The following AOC3 variants were observed in gnomAD, a reference collection of about 807,000 sequenced individuals.
AOC3 encodes amine oxidase [copper-containing] 3.
In AOC3, 47 loss-of-function variants were observed where a neutral mutation model predicts 55.4. That is an observed-to-expected ratio of 0.85 (90% CI 0.67 to 1.08). The LOEUF (loss-of-function observed/expected upper bound fraction) is 1.08, where lower values mean the gene tolerates loss of function less well. Among genes scored for constraint, AOC3 ranks in the 50% least tolerant of loss-of-function variants. The pLI, the probability that AOC3 is intolerant of heterozygous loss-of-function variation, is 0.00. For synonymous variants in AOC3, 386 were observed against 410.7 expected (o/e 0.94, Z 0.73); for missense variants, 853 against 993.1 (o/e 0.86, Z 1.90).
chr17:42,855,282 G>A (rs2055733414), intron 2 of AOC3, among the ~76,000 whole-genome samples, 162 bp from the exon 3 acceptor site: 1 of 152,184 alleles, frequency 6.6e-6, no homozygotes, highest in Non-Finnish European at 1.5e-5. Context: ...TAAACAGGAG[G>A]ACTTGACCCC....
Position 42,854,520 on chromosome 17 carries a change from A to G in AOC3, c.1673A>G (p.Gln558Arg). Residue 558 changes from glutamine to arginine, a missense_variant, in exon 2 of 4, where the codon CAG becomes CGG. Coordinates refer to ENST00000308423, the MANE Select transcript of AOC3 (RefSeq NM_003734.4). ...PMAVPWSPEH[Q>R]LQRLQVTRKL... is the part of the protein sequence containing the mutation. The stretch of plus-strand genomic sequence containing the variant: ...GCTGTGCCCTGGAGCCCTGAGCACC[A>G]GCTGCAGAGGCTGCAGGTGACCCGG... 5 of 1,608,702 alleles carry G rather than the reference A, an allele frequency of 3.1e-6. No homozygotes were observed. Among genetic ancestry groups the G allele is most frequent in the Middle Eastern group, 3.4e-4 (2 of 5,878 alleles).
At chr17:42,853,019 T>A in intron 1 of AOC3, 76 bp downstream of exon 1, 1 of 1,511,694 alleles carries the variant, frequency 6.6e-7, no homozygotes, top group Non-Finnish European at 8.9e-7. Context: ...GGGTTTTATG[T>A]AGATTATCCC....
At position 42,856,804 on chromosome 17, in the gene AOC3, C is replaced by G. The variant is rs2055756603; in HGVS notation, c.*254C>G. On this transcript the variant is annotated 3_prime_UTR_variant, in exon 4 of 4. Transcript: ENST00000308423. ...TCCACAGAGGCCAGGCATGGCCCAGCCTGGAGCCGTGGCCGAGGGCTTCCC... is the reference window on the plus strand; with the variant it reads ...TCCACAGAGGCCAGGCATGGCCCAGGCTGGAGCCGTGGCCGAGGGCTTCCC... 1.8e-6 allele frequency: 1 copy of G among 550,178 alleles called. No individual in the cohort carries two copies. Among genetic ancestry groups the G allele is most frequent in the Non-Finnish European group, 3.2e-6 (1 of 313,158 alleles). 34.1% of individuals were successfully genotyped at this position (550,178 alleles called of 1,614,324 possible). A position where few individuals can be genotyped will look rare whatever the true frequency, so the allele number is the denominator to read the frequency against.
intron 1 of AOC3, 150 bp downstream of exon 1, chr17:42,853,093 G>C: frequency 7.4e-7 from 1 of 1,342,426 alleles, no homozygotes; most frequent in Non-Finnish European, 9.8e-7. Context: ...TGGCTGCTGA[G>C]TTTTATTTGG....
At chr17:42,855,691 A>G (rs774526468) in intron 3 of AOC3, 118 bp downstream of exon 3, 90 of 1,382,046 alleles carry the variant, frequency 6.5e-5, no homozygotes, top group Non-Finnish European at 8.6e-5. Flanking sequence ...ACTTCAGTAT[A>G]TCTGATCATT....
In AOC3 at chr17:42,851,628, T is replaced by G. The variant is rs1480761843; in HGVS notation, c.285T>G (p.Cys95Trp). Reference sequence around the variant, plus strand: ...CCCAGGCCCGGCCCTCGGACAACTGTGTCTTCTCAGTGGAGTTGCAGCTGC... The same window carrying G: ...CCCAGGCCCGGCCCTCGGACAACTGGGTCTTCTCAGTGGAGTTGCAGCTGC... ...DAAQARPSDN[C>W]VFSVELQLPP... Residue 95 changes from cysteine to tryptophan, a missense_variant, in exon 1 of 4, where the codon TGT (cysteine) becomes TGG (tryptophan). Cys to Trp is a radical substitution (Grantham distance 215, BLOSUM62 -2). Coordinates refer to ENST00000308423, the MANE Select transcript of AOC3 (RefSeq NM_003734.4). The G allele has an allele frequency of 6.2e-7, 1 of 1,613,086 alleles. No homozygotes were observed. Among genetic ancestry groups the G allele is most frequent in the Admixed American group, 1.7e-5 (1 of 60,022 alleles).
In AOC3 at chr17:42,852,092, A is replaced by G. The variant is rs1449659150; in HGVS notation, c.749A>G (p.Asn250Ser). 6.2e-7 allele frequency: 1 copy of G among 1,613,516 alleles called. No individual in the cohort carries two copies. Among genetic ancestry groups the G allele is most frequent in the East Asian group, 2.2e-5 (1 of 44,860 alleles). Residue 250 changes from asparagine to serine, a missense_variant, in exon 1 of 4, where the codon AAC (asparagine) becomes AGC (serine). Coordinates refer to ENST00000308423, the MANE Select transcript of AOC3 (RefSeq NM_003734.4). ...CACGTGGGCTTGGAGCTGCTAGTGAACCACAAGGCCCTTGACCCTGCCCGC... is the reference window on the plus strand; with the variant it reads ...CACGTGGGCTTGGAGCTGCTAGTGAGCCACAAGGCCCTTGACCCTGCCCGC... ...LHHVGLELLVNHKALDPARWT... is the reference protein window; with the variant it reads ...LHHVGLELLVSHKALDPARWT...
intron 3 of AOC3, 80 bp downstream of exon 3, chr17:42,855,653 A>C: frequency 6.3e-7 from 1 of 1,585,312 alleles, no homozygotes; most frequent in Non-Finnish European, 8.6e-7. Flanking sequence ...TGCACTTCTC[A>C]GGGGTGGTGC....
intron 1 of AOC3, 171 bp downstream of exon 1, chr17:42,853,114 A>C: frequency 1.5e-6 from 2 of 1,348,974 alleles, no homozygotes; most frequent in Non-Finnish European, 2.0e-6. Flanking sequence ...ATCTTAGCTC[A>C]CTGGCTGGGT....
chr17:42,852,277 C>G lies in AOC3; in HGVS notation c.934C>G (p.Pro312Ala), dbSNP rs1369209340. 5.6e-6 allele frequency: 9 copies of G among 1,614,002 alleles called. No homozygotes were observed. Among genetic ancestry groups the G allele is most frequent in the Non-Finnish European group, 7.6e-6 (9 of 1,180,002 alleles). ...LKSPVPPGPA[P>A]PLQFYPQGPR... Reference sequence around the variant, plus strand: ...GTCCCCTGTGCCCCCGGGTCCAGCTCCCCCTCTACAGTTCTATCCCCAAGG... The same window carrying G: ...GTCCCCTGTGCCCCCGGGTCCAGCTGCCCCTCTACAGTTCTATCCCCAAGG... The change falls in exon 1 of 4, where the codon CCC becomes GCC. Residue 312 changes from proline to alanine, a missense_variant. Physicochemically the swap from Pro to Ala is conservative, Grantham distance 27. Transcript: ENST00000308423.
rs759290013 is a variant in AOC3 at position 42,852,437 on chromosome 17, T to G, written c.1094T>G (p.Leu365Arg). ...QGERLVYEIS[L>R]QEALAIYGGN... ...GAAAGACTAGTTTATGAGATAAGCC[T>G]CCAAGAGGCCTTGGCCATCTATGGT... Residue 365 changes from leucine to arginine, a missense_variant, in exon 1 of 4, where the codon CTC becomes CGC. By Grantham distance (102) the Leu-to-Arg change is moderately radical. Transcript: ENST00000308423. 1 of 1,614,166 alleles carries G rather than the reference T, an allele frequency of 6.2e-7. No homozygotes were observed. Among genetic ancestry groups the G allele is most frequent in the East Asian group, 2.2e-5 (1 of 44,876 alleles).
rs34987927 is a variant in AOC3 at position 42,854,591 on chromosome 17, G to A, written c.1744G>A (p.Ala582Thr). 2,799 of 1,607,860 alleles carry A rather than the reference G, an allele frequency of 1.7e-3. 45 individuals carry two copies. The African/African-American group carries it at 0.03, about 17-fold the overall frequency. ...EEQAAFLVGS[A>T]TPRYLYLASN... ...GCAGGCCGCCTTCCTCGTGGGAAGC[G>A]CCACCCCTCGCTACCTGTACCTGGC... The change falls in exon 2 of 4, where the codon GCC becomes ACC. Residue 582 changes from alanine (A) to threonine (T), a missense_variant. Coordinates refer to ENST00000308423, the MANE Select transcript of AOC3 (RefSeq NM_003734.4).
In AOC3 at chr17:42,852,049, G is replaced by T. The variant is rs766705316; in HGVS notation, c.706G>T (p.Ala236Ser). 1.2e-6 allele frequency: 2 copies of T among 1,613,892 alleles called. No individual in the cohort carries two copies. The highest frequency in any genetic ancestry group is 1.7e-5 in the Admixed American group (1 of 60,020). Residue 236 changes from alanine to serine, a missense_variant, in exon 1 of 4, where the codon GCT becomes TCT. Transcript: ENST00000308423. ...WFGLYYNISG[A>S]GFFLHHVGLE... ...TGGCCTCTACTACAACATCTCGGGC[G>T]CTGGGTTCTTCCTGCACCACGTGGG...
chr17:42,852,708 T>C lies in AOC3; in HGVS notation c.1365T>C (p.Leu455=), dbSNP rs544480745. The change falls in exon 1 of 4, where the codon CTT becomes CTC. Residue 455 remains leucine (L), a synonymous_variant. Transcript: ENST00000308423. ...SDLYSHYFGG[L]AETVLVVRSM... ...TCTACTCGCACTACTTTGGGGGTCT[T>C]GCGGAAACGGTGCTGGTCGTCAGAT... is the stretch of plus-strand genomic sequence containing the variant. 46 of 1,614,226 alleles carry C rather than the reference T, an allele frequency of 2.8e-5. No individual in the cohort carries two copies. In the African/African-American group the frequency reaches 6.0e-4, roughly 21 times the overall value.
chr17:42,855,174 A>G (rs1307671532), intron 2 of AOC3, among the ~76,000 whole-genome samples: 2 of 152,208 alleles, frequency 1.3e-5, no homozygotes, highest in Non-Finnish European at 2.9e-5. Context: ...CAAAGAAACC[A>G]TGATGGGCAC....
intron 2 of AOC3, among the ~76,000 whole-genome samples, chr17:42,855,200 G>A (rs2055732332): frequency 6.6e-6 from 1 of 152,208 alleles, no homozygotes; most frequent in Admixed American, 6.5e-5. Context: ...CCCCTTGGAG[G>A]CTAAAGCCCA....
At position 42,852,452 on chromosome 17, in the gene AOC3, C is replaced by A; in HGVS notation, c.1109C>A (p.Ala370Asp). ...VYEISLQEALAIYGGNSPAAM... is the reference protein window; with the variant it reads ...VYEISLQEALDIYGGNSPAAM... ...GAGATAAGCCTCCAAGAGGCCTTGG[C>A]CATCTATGGTGGAAATTCCCCAGCA... Residue 370 changes from alanine (A) to aspartate (D), a missense_variant, in exon 1 of 4, where the codon GCC becomes GAC. By Grantham distance (126) the Ala-to-Asp change is moderately radical (BLOSUM62 -2). Transcript: ENST00000308423. The A allele has an allele frequency of 6.2e-7, 1 of 1,614,164 alleles. No homozygotes were observed. Among genetic ancestry groups the A allele is most frequent in the South Asian group, 1.1e-5 (1 of 91,080 alleles).
chr17:42,854,308 C>A (rs1037755446), intron 1 of AOC3, 140 bp from the exon 2 acceptor site: 5 of 710,548 alleles, frequency 7.0e-6, no homozygotes, highest in Non-Finnish European at 1.0e-5. Context: ...TTGGAGGTAT[C>A]CTGGGGAGAG....
rs753873305 is a variant in AOC3 at position 42,851,740 on chromosome 17, C to G, written c.397C>G (p.Gln133Glu). 5.0e-6 allele frequency: 8 copies of G among 1,612,102 alleles called. No homozygotes were observed. In the African/African-American group the frequency reaches 1.1e-4, roughly 22 times the overall value. ...ACTGGCCATCGTCTTCTTTGGCAGG[C>G]AACCCCAGCCCAACGTGAGTGAGCT... The part of the protein sequence containing the change: ...EALAIVFFGR[Q>E]PQPNVSELVV... Residue 133 changes from glutamine to glutamate, a missense_variant, in exon 1 of 4, where the codon CAA becomes GAA. Coordinates refer to ENST00000308423, the MANE Select transcript of AOC3 (RefSeq NM_003734.4).
Sources: allele counts gnomAD v4.1 joint callset (sites outside exome capture counted in the v4.1 genomes callset), GRCh38; gene constraint gnomAD v4.1.1; transcripts MANE v1.5; gene names NCBI Gene and HGNC (gene_info 2026-07-23, HGNC 2026-07-21).